Variants in NXPE2 observed in about 807,000 individuals in gnomAD.
NXPE2 encodes NXPE family member 2.
NXPE2 carries 34 observed loss-of-function variants against 34.4 expected under a neutral mutation model. The ratio of observed to expected loss-of-function variants is 0.99; its 90% confidence interval spans 0.75 to 1.31. The LOEUF (loss-of-function observed/expected upper bound fraction) is 1.31, where lower values mean the gene tolerates loss of function less well. Among genes scored for constraint, NXPE2 ranks in the 40% most tolerant of loss-of-function variants. The pLI is 0.00. For synonymous variants in NXPE2, 235 were observed against 231.3 expected (o/e 1.02, Z -0.15); for missense variants, 649 against 672.5 (o/e 0.97, Z 0.39).
At chr11:114,787,969 G>A in the NXPE2 span, among the ~76,000 whole-genome samples, 1 of 152,154 alleles carries the variant, frequency 6.6e-6, no homozygotes, top group African/African-American at 2.4e-5. Flanking sequence ...TGGAGGATCT[G>A]CAGCCTCAAT....
chr11:114,543,894 C>T, the NXPE2 span, among the ~76,000 whole-genome samples: 1 of 152,132 alleles, frequency 6.6e-6, no homozygotes, highest in South Asian at 2.1e-4. Context: ...GGTTTCAGGA[C>T]ACAAGTCAAT....
the NXPE2 span, among the ~76,000 whole-genome samples, chr11:114,615,579 C>CCAG: frequency 6.6e-6 from 1 of 150,960 alleles, no homozygotes; most frequent in African/African-American, 2.5e-5. Flanking sequence ...CCACCTTTAC[C>CCAG]TGGTGAATAA....
the NXPE2 span, chr11:114,523,080 T>C: frequency 5.6e-6 from 9 of 1,611,964 alleles, no homozygotes; most frequent in Non-Finnish European, 7.6e-6. Context: ...GTCTCTTCTA[T>C]TTTTTCTCTC....
At chr11:114,754,648 TGTGGAGGGTAGGCAGGCCCTTGGGCTG>T in the NXPE2 span, among the ~76,000 whole-genome samples, 1 of 152,120 alleles carries the variant, frequency 6.6e-6, no homozygotes, top group Non-Finnish European at 1.5e-5. Flanking sequence ...CAGGGCTGTG[TGTGGAGGGTAGGCAGGCCCTTGGGCTG>T]GTGGTGGGTA....
At chr11:114,807,864 C>G in the NXPE2 span, among the ~76,000 whole-genome samples, 1 of 152,290 alleles carries the variant, frequency 6.6e-6, no homozygotes, top group East Asian at 1.9e-4. Context: ...CTACAGACCT[C>G]TCCACCCCAA....
chr11:114,778,916 C>T, the NXPE2 span, among the ~76,000 whole-genome samples: 2 of 152,154 alleles, frequency 1.3e-5, no homozygotes, highest in Admixed American at 6.5e-5. Flanking sequence ...ACAAAGAACC[C>T]GTTGTGGCTT....
At chr11:114,739,326 TCCTTCCTTCCTTCCCC>T in the NXPE2 span, among the ~76,000 whole-genome samples, 1 of 54,362 alleles carries the variant, frequency 1.8e-5, no homozygotes, top group African/African-American at 7.8e-5. Flanking sequence ...CTTCCTTCCT[TCCTTCCTTCCTTCCCC>T]CCTTCCTCTC....
chr11:114,716,235 T>C, the NXPE2 span, among the ~76,000 whole-genome samples: 2 of 152,202 alleles, frequency 1.3e-5, no homozygotes, highest in African/African-American at 2.4e-5. Context: ...ATAATCTTTA[T>C]GGAAGTTTCA....
chr11:114,620,083 G>A, the NXPE2 span, among the ~76,000 whole-genome samples: 1 of 152,068 alleles, frequency 6.6e-6, no homozygotes, highest in Admixed American at 6.5e-5. Context: ...AATAAGTGTT[G>A]CCTCTTGGGT....
chr11:114,536,382 CA>C, the NXPE2 span, among the ~76,000 whole-genome samples: 2 of 151,970 alleles, frequency 1.3e-5, no homozygotes, highest in Non-Finnish European at 2.9e-5. Flanking sequence ...ACTAGAGAAG[CA>C]AGAGCAAACA....
At chr11:114,720,969 T>A in the NXPE2 span, among the ~76,000 whole-genome samples, 1 of 152,298 alleles carries the variant, frequency 6.6e-6, no homozygotes, top group South Asian at 2.1e-4. Context: ...TTGACCCAGA[T>A]GAACTTGATG....
chr11:114,633,572 C>A, the NXPE2 span, among the ~76,000 whole-genome samples: 1 of 151,416 alleles, frequency 6.6e-6, no homozygotes, highest in Admixed American at 6.6e-5. Flanking sequence ...ATTGACTCGT[C>A]ATTTAGCATT....
chr11:114,525,571 C>A, the NXPE2 span, among the ~76,000 whole-genome samples: 5 of 152,082 alleles, frequency 3.3e-5, no homozygotes, highest in Admixed American at 3.3e-4. Context: ...TCCCCCTTCC[C>A]CCCTTACTAT....
chr11:114,747,741 C>G, the NXPE2 span, among the ~76,000 whole-genome samples: 4 of 152,164 alleles, frequency 2.6e-5, no homozygotes, highest in Admixed American at 1.3e-4. Context: ...TCCCTCAACA[C>G]ATGGGAATTA....
At chr11:114,630,659 CA>C in the NXPE2 span, among the ~76,000 whole-genome samples, 1 of 150,584 alleles carries the variant, frequency 6.6e-6, no homozygotes, top group African/African-American at 2.4e-5. Context: ...CAACAAAAGC[CA>C]AAATTGACAA....
At chr11:114,588,006 A>G in the NXPE2 span, among the ~76,000 whole-genome samples, 1 of 152,182 alleles carries the variant, frequency 6.6e-6, no homozygotes, top group Non-Finnish European at 1.5e-5. Context: ...TCTTAGGTAC[A>G]GGCTTTCTTT....
At chr11:114,648,379 G>T in the NXPE2 span, among the ~76,000 whole-genome samples, 16 of 152,182 alleles carry the variant, frequency 1.1e-4, no homozygotes, top group African/African-American at 3.9e-4. Flanking sequence ...ATCTCAGTGT[G>T]AAGGCATTCA....
chr11:114,550,622 TAAG>T, the NXPE2 span, among the ~76,000 whole-genome samples: 3 of 152,128 alleles, frequency 2.0e-5, no homozygotes, highest in Non-Finnish European at 4.4e-5. Flanking sequence ...AGTAAAAAAA[TAAG>T]AAAACATGGA....
chr11:114,681,303 A>G (rs1489108761), intron 2 of NXPE2, among the ~76,000 whole-genome samples: 1 of 152,242 alleles, frequency 6.6e-6, no homozygotes, highest in Non-Finnish European at 1.5e-5. Context: ...GGAATTAAAG[A>G]TACAGAAATA....
Sources: gnomAD v4.1 joint callset for allele counts (sites outside exome capture counted in the v4.1 genomes callset) on GRCh38, gnomAD v4.1.1 for gene constraint, MANE v1.5 for transcripts, NCBI Gene and HGNC (gene_info 2026-07-23, HGNC 2026-07-21) for gene names.